The following CDH2 variants were observed in gnomAD, a reference collection of about 807,000 sequenced individuals.
CDH2 encodes cadherin-2.
A neutral mutation model predicts 92.0 loss-of-function variants in CDH2; 17 were observed. The ratio of observed to expected loss-of-function variants is 0.18; its 90% CI spans 0.13 to 0.28. The LOEUF (loss-of-function observed/expected upper bound fraction) is 0.28, where lower values mean the gene tolerates loss of function less well. Among genes scored for constraint, CDH2 ranks in the 10% least tolerant of loss-of-function variants. CDH2 has a pLI of 1.00. For missense variants in CDH2, 862 were observed against 1,133.1 expected (o/e 0.76, Z 3.44); for synonymous variants, 419 against 415.9 (o/e 1.01, Z -0.09).
chr18:27,965,423 G>A (rs776158839), intron 14 of CDH2, among the ~76,000 whole-genome samples: 4 of 152,230 alleles, frequency 2.6e-5, no homozygotes, highest in Non-Finnish European at 4.4e-5. Context: ...ACTATAAAAT[G>A]TTCAGGGGGA....
intron 2 of CDH2, among the ~76,000 whole-genome samples, chr18:28,027,758 C>T (rs779372805): frequency 6.6e-6 from 1 of 151,882 alleles, no homozygotes; most frequent in Non-Finnish European, 1.5e-5. Context: ...CATCTCTATG[C>T]TACGAAATAT....
At chr18:28,126,532 C>T (rs2015680315) in intron 2 of CDH2, among the ~76,000 whole-genome samples, 1 of 151,884 alleles carries the variant, frequency 6.6e-6, no homozygotes, top group Non-Finnish European at 1.5e-5. Context: ...CATCTAAAAC[C>T]CCGAGACATT....
At chr18:27,995,079 G>A (rs1360736866) in intron 7 of CDH2, among the ~76,000 whole-genome samples, 2 of 151,942 alleles carry the variant, frequency 1.3e-5, no homozygotes, top group South Asian at 2.1e-4. Context: ...TTGGGAGGTC[G>A]AGGCAGGCGG....
At chr18:27,952,564 A>G (rs1223617257) in intron 15 of CDH2, among the ~76,000 whole-genome samples, 1 of 152,166 alleles carries the variant, frequency 6.6e-6, no homozygotes, top group African/African-American at 2.4e-5. Context: ...TCCGGTGCAA[A>G]GAAACAACCC....
chr18:28,164,004 G>C (rs1392855110), intron 1 of CDH2, among the ~76,000 whole-genome samples: 1 of 152,166 alleles, frequency 6.6e-6, no homozygotes, highest in African/African-American at 2.4e-5. Context: ...CAGGCTGGTG[G>C]TTACATGGAT....
intron 2 of CDH2, among the ~76,000 whole-genome samples, chr18:28,093,883 C>T (rs536884526): frequency 6.6e-6 from 1 of 152,224 alleles, no homozygotes; most frequent in East Asian, 1.9e-4. Flanking sequence ...CAGTTCTCAG[C>T]TCCCTGAGGC....
At chr18:27,989,125 T>G (rs971772266) in intron 10 of CDH2, among the ~76,000 whole-genome samples, 1 of 152,224 alleles carries the variant, frequency 6.6e-6, no homozygotes, top group Non-Finnish European at 1.5e-5. Context: ...ATGGCCAACA[T>G]GAAGCCACAC....
chr18:28,149,947 T>C (rs981067542), intron 1 of CDH2, among the ~76,000 whole-genome samples: 1 of 152,014 alleles, frequency 6.6e-6, no homozygotes, highest in Non-Finnish European at 1.5e-5. Context: ...CCAACACCCA[T>C]CAAATTTGGG....
chr18:27,955,369 T>TA (rs760993428), intron 15 of CDH2, among the ~76,000 whole-genome samples: 2,451 of 30,950 alleles, frequency 0.079, 31 homozygotes, highest in Middle Eastern at 0.15. Context: ...AGTATAATAG[T>TA]AAAAAAAAAA....
At chr18:28,107,249 A>T (rs2015336852) in intron 2 of CDH2, among the ~76,000 whole-genome samples, 1 of 151,944 alleles carries the variant, frequency 6.6e-6, no homozygotes, top group Non-Finnish European at 1.5e-5. Context: ...AAGAAAGAAG[A>T]CACCTACAGC....
chr18:28,051,176 A>G (rs1463759409), intron 2 of CDH2, among the ~76,000 whole-genome samples: 1 of 152,168 alleles, frequency 6.6e-6, no homozygotes, highest in Non-Finnish European at 1.5e-5. Context: ...TATTGTTAAT[A>G]TTTCTGTTAC....
At chr18:28,152,897 A>C (rs6508528) in intron 1 of CDH2, among the ~76,000 whole-genome samples, 1 of 151,986 alleles carries the variant, frequency 6.6e-6, no homozygotes, top group South Asian at 2.1e-4. Flanking sequence ...CAAGATAGTT[A>C]AGATCGATAG....
intron 1 of CDH2, among the ~76,000 whole-genome samples, chr18:28,174,552 G>A (rs890313849): frequency 6.6e-6 from 1 of 152,138 alleles, no homozygotes; most frequent in Non-Finnish European, 1.5e-5. Context: ...TTTCCTGAAG[G>A]TTTAAAAAAG....
intron 1 of CDH2, among the ~76,000 whole-genome samples, chr18:28,167,443 C>T (rs2016402669): frequency 6.6e-6 from 1 of 152,024 alleles, no homozygotes; most frequent in Admixed American, 6.6e-5. Context: ...TCTATAGTGT[C>T]CGTCTTTCCT....
chr18:28,173,815 AT>A (rs1023752498), intron 1 of CDH2, among the ~76,000 whole-genome samples: 7 of 151,978 alleles, frequency 4.6e-5, no homozygotes, highest in South Asian at 2.1e-4. Flanking sequence ...AGCAACATTG[AT>A]TTTTTTTCTT....
intron 2 of CDH2, among the ~76,000 whole-genome samples, chr18:28,071,021 C>G (rs1400627376): frequency 1.3e-5 from 2 of 151,892 alleles, no homozygotes; most frequent in Non-Finnish European, 2.9e-5. Flanking sequence ...CTCGGTTCTG[C>G]CTGCATGGAT....
At chr18:27,985,491 A>T in intron 12 of CDH2, 37 bp downstream of exon 12, 1 of 1,359,044 alleles carries the variant, frequency 7.4e-7, no homozygotes, top group African/African-American at 1.4e-5. Context: ...AAAATCTCTC[A>T]ACTGCACATA....
At chr18:28,094,888 G>C (rs889331391) in intron 2 of CDH2, among the ~76,000 whole-genome samples, 4 of 151,430 alleles carry the variant, frequency 2.6e-5, no homozygotes, top group Non-Finnish European at 5.9e-5. Context: ...ATGAAAGCAA[G>C]GATTCAATGG....
intron 2 of CDH2, among the ~76,000 whole-genome samples, chr18:28,113,524 G>A (rs769083620): frequency 1.7e-4 from 26 of 151,366 alleles, no homozygotes; most frequent in African/African-American, 2.9e-4. Context: ...TACCAAAGAC[G>A]TGGCACAAAT....
Sources: allele counts gnomAD v4.1 joint callset (sites outside exome capture counted in the v4.1 genomes callset), GRCh38; gene constraint gnomAD v4.1.1; transcripts MANE v1.5; gene names NCBI Gene and HGNC (gene_info 2026-07-23, HGNC 2026-07-21).